ZNF391: variants seen among roughly 807,000 people sequenced by gnomAD.
The protein encoded by ZNF391 is zinc finger protein 391.
For synonymous variants in ZNF391, 126 were observed against 142.1 expected, an observed-to-expected ratio of 0.89 and a Z score of 0.80; for missense variants, 375 against 425.5, an observed-to-expected ratio of 0.88 and a Z score of 1.04.
Position 27,403,157 on chromosome 6 carries a change from A to G in ZNF391, c.*1710A>G, listed in dbSNP as rs1561816681. On this transcript the variant is annotated 3_prime_UTR_variant, in exon 3 of 3. Coordinates refer to ENST00000244576, the MANE Select transcript of ZNF391 (RefSeq NM_001076781.3). ...AACTACTACTTTGTTAAAAAAAAAT[A>G]GTCGTTTCCCAGTGACCTCTGCCCC... 6.7e-6 allele frequency: 1 copy of G among 148,506 alleles called. No homozygotes were observed. The highest frequency in any genetic ancestry group is 2.1e-4 in the South Asian group (1 of 4,652). The allele number at this position is 148,506 out of a possible 1,614,324, so 9.2% of individuals were successfully genotyped here.
chr6:27,402,347 C>T lies in ZNF391; in HGVS notation c.*900C>T, dbSNP rs1047481865. 4 of 152,124 alleles carry T rather than the reference C, an allele frequency of 2.6e-5. No individual in the cohort carries two copies. Among genetic ancestry groups the T allele is most frequent in the African/African-American group, 9.7e-5 (4 of 41,426 alleles). The allele number at this position is 152,124 out of a possible 1,614,324, so 9.4% of individuals were successfully genotyped here. On this transcript the variant is annotated 3_prime_UTR_variant, in exon 3 of 3. Transcript: ENST00000244576. Reference sequence around the variant, plus strand: ...AAGGACAAACCCAGTGCCTATTTCTCAGTCCTTTTTCTACTTGACATTTGC... The same window carrying T: ...AAGGACAAACCCAGTGCCTATTTCTTAGTCCTTTTTCTACTTGACATTTGC...
rs954488590 is a variant in ZNF391, at chr6:27,401,385, G to A, written c.1015G>A (p.Gly339Arg). The A allele has an allele frequency of 1.2e-6, 2 of 1,613,418 alleles. No homozygotes were observed. Among genetic ancestry groups the A allele is most frequent in the Non-Finnish European group, 1.7e-6 (2 of 1,180,004 alleles). Residue 339 changes from glycine to arginine, a missense_variant, in exon 3 of 3, where the codon GGA (glycine) becomes AGA (arginine). Transcript: ENST00000244576. ...GEKPYKCNDCGKAFCQSSTLI... is the reference protein window; with the variant it reads ...GEKPYKCNDCRKAFCQSSTLI... ...GAAGCCGTACAAATGTAATGACTGT[G>A]GAAAAGCCTTCTGTCAGAGTTCAAC... is the stretch of plus-strand genomic sequence containing the variant.
upstream of ZNF391, among the ~76,000 whole-genome samples, chr6:27,385,182 G>GA (rs1450979947): frequency 6.7e-6 from 1 of 150,276 alleles, no homozygotes; most frequent in African/African-American, 2.4e-5. Context: ...TAATAAAAAA[G>GA]AAAAATAAAA....
intron 1 of ZNF391, among the ~76,000 whole-genome samples, chr6:27,398,123 T>A (rs1761869424): frequency 6.6e-6 from 1 of 152,180 alleles, no homozygotes; most frequent in South Asian, 2.1e-4. Flanking sequence ...AAGGCTAACC[T>A]CCACATCTGA....
chr6:27,376,656 G>A lies in ZNF391; in HGVS notation n.523+1519G>A, dbSNP rs150498875. On this transcript the variant is annotated intron_variant and non_coding_transcript_variant, in intron 1 of 2. Coordinates refer to the ZNF391 transcript ENST00000477999. The surrounding 1 kb of genome is among the most constrained non-coding windows in gnomAD (Gnocchi z 4.7). ...CATTGATAAGGTATAACCTTATCAA[G>A]ACCAGCCTGGCCAACATGGTGAAAC... is the stretch of plus-strand genomic sequence containing the variant. Among the ~76,000 whole-genome samples the A allele has an allele frequency of 3.6e-3, 548 of 152,086 alleles. 4 individuals are homozygous for A. Among genetic ancestry groups the A allele is most frequent in the African/African-American group, 0.013 (520 of 41,458 alleles).
At chr6:27,397,409 C>T (rs1001737576) in intron 1 of ZNF391, among the ~76,000 whole-genome samples, 1 of 152,208 alleles carries the variant, frequency 6.6e-6, no homozygotes, top group African/African-American at 2.4e-5. Context: ...CATCTCCCAC[C>T]AGGCCCCACT....
intron 1 of ZNF391, among the ~76,000 whole-genome samples, chr6:27,382,987 G>A (rs556999072): frequency 1.2e-3 from 185 of 152,102 alleles, no homozygotes; most frequent in Non-Finnish European, 2.2e-3. Flanking sequence ...GGGCATGGTG[G>A]TGCATGCCTG....
chr6:27,379,174 A>G (rs1375345907), intron 1 of ZNF391, among the ~76,000 whole-genome samples: 1 of 152,170 alleles, frequency 6.6e-6, no homozygotes, highest in African/African-American at 2.4e-5. Flanking sequence ...TTTTATTTGT[A>G]TTTTCCATTT....
intron 1 of ZNF391, among the ~76,000 whole-genome samples, chr6:27,390,630 C>G (rs1378531637): frequency 6.6e-6 from 1 of 152,164 alleles, no homozygotes; most frequent in East Asian, 1.9e-4. Flanking sequence ...CCTCCAAAGC[C>G]AGGAAAAAGA....
At chr6:27,390,481 T>C (rs1761679351) in intron 1 of ZNF391, among the ~76,000 whole-genome samples, 1 of 152,202 alleles carries the variant, frequency 6.6e-6, no homozygotes, top group Non-Finnish European at 1.5e-5. Flanking sequence ...ACTTTCCACA[T>C]TATGGTGGAG....
At chr6:27,390,325 G>A (rs1279240910) in intron 1 of ZNF391, among the ~76,000 whole-genome samples, 3 of 152,192 alleles carry the variant, frequency 2.0e-5, no homozygotes, top group African/African-American at 7.2e-5. Context: ...TCACATAAAG[G>A]AATAGCAAAC....
At chr6:27,378,845 C>T (rs1328981088) in intron 1 of ZNF391, among the ~76,000 whole-genome samples, 1 of 152,096 alleles carries the variant, frequency 6.6e-6, no homozygotes, top group Non-Finnish European at 1.5e-5. Flanking sequence ...GGAAGGATCT[C>T]TTTAGCCTAT....
At chr6:27,383,268 CA>C (rs1196280350) in intron 1 of ZNF391, among the ~76,000 whole-genome samples, 1 of 150,490 alleles carries the variant, frequency 6.6e-6, no homozygotes, top group African/African-American at 2.4e-5. Flanking sequence ...GAGACAAAGA[CA>C]GGGGGTGGGG....
intron 1 of ZNF391, among the ~76,000 whole-genome samples, chr6:27,382,097 C>G (rs1761519001): frequency 6.8e-6 from 1 of 147,892 alleles, no homozygotes; most frequent in South Asian, 2.1e-4. Context: ...TTTGGGAGGC[C>G]AAGGCAAGCA....
At chr6:27,397,608 G>A (rs1761855438) in intron 1 of ZNF391, among the ~76,000 whole-genome samples, 1 of 152,168 alleles carries the variant, frequency 6.6e-6, no homozygotes, top group African/African-American at 2.4e-5. Context: ...ATTAAGGAAT[G>A]TTGGCATCAT....
At chr6:27,384,478 AAAAAAGAGAG>A (rs766428202), upstream of ZNF391, among the ~76,000 whole-genome samples, 93 of 71,308 alleles carry the variant, frequency 1.3e-3, no homozygotes, top group Non-Finnish European at 1.8e-3. Flanking sequence ...AAAAAAAAAA[AAAAAAGAGAG>A]AGAGAGAGAG....
intron 1 of ZNF391, among the ~76,000 whole-genome samples, chr6:27,398,866 A>C (rs1761888340): frequency 1.3e-5 from 2 of 149,752 alleles, no homozygotes; most frequent in African/African-American, 2.4e-5. Flanking sequence ...CTCAAAAAAA[A>C]CAAAACAAAA....
chr6:27,395,873 T>C (rs1213141959), intron 1 of ZNF391, among the ~76,000 whole-genome samples: 2 of 152,200 alleles, frequency 1.3e-5, no homozygotes, highest in Admixed American at 6.5e-5. Context: ...GAATGGGATA[T>C]AGTATTTAAT....
At chr6:27,378,501 CAGG>C in intron 1 of ZNF391, among the ~76,000 whole-genome samples, 1 of 151,986 alleles carries the variant, frequency 6.6e-6, no homozygotes, top group Non-Finnish European at 1.5e-5. Flanking sequence ...CAGGATGAGC[CAGG>C]AGAAGGAATT....
Sources: gnomAD v4.1 joint callset for allele counts (sites outside exome capture counted in the v4.1 genomes callset) on GRCh38, gnomAD v4.1.1 for gene constraint, Gnocchi (gnomAD v3.1) non-coding constraint, MANE v1.5 for transcripts, NCBI Gene and HGNC (gene_info 2026-07-23, HGNC 2026-07-21) for gene names.